Variants in TMEM248 observed in about 807,000 individuals in gnomAD.
The protein encoded by TMEM248 is transmembrane protein 248.
In TMEM248, 9 loss-of-function variants were observed where a neutral mutation model predicts 30.3. The ratio of observed to expected loss-of-function variants is 0.30; its 90% CI spans 0.18 to 0.52. The LOEUF is 0.52. TMEM248 is among the 20% of genes least tolerant of loss of function. TMEM248 has a pLI of 0.97. For synonymous variants in TMEM248, 184 were observed against 154.4 expected (o/e 1.19, Z -1.42); for missense variants, 338 against 403.3 (o/e 0.84, Z 1.39).
chr7:66,925,602 A>G (rs1329185958), intron 1 of TMEM248, among the ~76,000 whole-genome samples: 1 of 152,110 alleles, frequency 6.6e-6, no homozygotes, highest in Non-Finnish European at 1.5e-5. Context: ...CAGTGAACAG[A>G]CATCTCTTTG....
intron 1 of TMEM248, among the ~76,000 whole-genome samples, chr7:66,941,328 CCAAGACTACACCATTG>C (rs1791944491): frequency 6.7e-6 from 1 of 150,024 alleles, no homozygotes; most frequent in Non-Finnish European, 1.5e-5. Context: ...TTGCAGTGAG[CCAAGACTACACCATTG>C]CTCCAGCCTG....
intron 3 of TMEM248, 103 bp from the exon 4 acceptor site, chr7:66,948,441 T>C: frequency 7.2e-7 from 1 of 1,388,532 alleles, no homozygotes; most frequent in Non-Finnish European, 9.8e-7. Flanking sequence ...CCTGGGCTGA[T>C]AGATGATTCC....
chr7:66,922,190 A>T (rs1433987914), intron 1 of TMEM248: 1 of 152,180 alleles, frequency 6.6e-6, no homozygotes, highest in Non-Finnish European at 1.5e-5. Flanking sequence ...GCTTCTCTGA[A>T]GCCTGCTTTG....
intron 5 of TMEM248, 41 bp from the exon 6 acceptor site, chr7:66,953,185 C>T (rs989182374): frequency 1.4e-5 from 23 of 1,606,294 alleles, no homozygotes; most frequent in Non-Finnish European, 1.9e-5. Flanking sequence ...TTCAGTCACT[C>T]AGAGCAGATG....
At chr7:66,942,715 C>T (rs928358926) in intron 2 of TMEM248, among the ~76,000 whole-genome samples, 9 of 152,062 alleles carry the variant, frequency 5.9e-5, no homozygotes, top group African/African-American at 9.7e-5. Flanking sequence ...AGGCTGGTCT[C>T]GAACTCCTGA....
chr7:66,931,362 A>G (rs1159989973), intron 1 of TMEM248, among the ~76,000 whole-genome samples: 2 of 151,774 alleles, frequency 1.3e-5, no homozygotes, highest in African/African-American at 4.8e-5. Context: ...TAAAACTTGG[A>G]CAAGTAGCCA....
intron 5 of TMEM248, 93 bp from the exon 6 acceptor site, chr7:66,953,133 G>A (rs1407161147): frequency 7.1e-7 from 1 of 1,413,370 alleles, no homozygotes; most frequent in Non-Finnish European, 9.6e-7. Flanking sequence ...GGCAAGTCTG[G>A]AGGCTGTCAA....
intron 1 of TMEM248, among the ~76,000 whole-genome samples, chr7:66,929,930 C>T (rs1033848939): frequency 4.6e-5 from 7 of 152,072 alleles, no homozygotes; most frequent in Non-Finnish European, 1.0e-4. Flanking sequence ...GAGGCTGACG[C>T]GGGAGGATCG....
rs74553002 is a variant in TMEM248 at position 66,943,202 on chromosome 7, C to G, written c.159+1178C>G. On this transcript the variant is annotated intron_variant, in intron 2 of 6. Coordinates refer to ENST00000341567, the MANE Select transcript of TMEM248 (RefSeq NM_017994.5). ...TTGTGAAAACAGGCTGCCCCCACAT[C>G]AGGGCTGAAAATGAATATTCTACTC... is the stretch of plus-strand genomic sequence containing the variant. Among the ~76,000 whole-genome samples the G allele has an allele frequency of 2.4e-4, 36 of 152,294 alleles. 1 individual carries two copies. The East Asian group carries it at 6.9e-3, about 29-fold the overall frequency.
chr7:66,933,431 T>C (rs1460386285), intron 1 of TMEM248, among the ~76,000 whole-genome samples: 1 of 152,216 alleles, frequency 6.6e-6, no homozygotes, highest in African/African-American at 2.4e-5. Context: ...TTTTTAACAA[T>C]TGCAAACACT....
intron 4 of TMEM248, among the ~76,000 whole-genome samples, chr7:66,950,322 G>A (rs987479225): frequency 2.0e-5 from 3 of 152,170 alleles, no homozygotes; most frequent in South Asian, 2.1e-4. Flanking sequence ...CCCAGTGGGA[G>A]GTAATTGAAT....
intron 1 of TMEM248, among the ~76,000 whole-genome samples, chr7:66,936,027 T>C (rs1791794476): frequency 6.6e-6 from 1 of 152,244 alleles, no homozygotes; most frequent in African/African-American, 2.4e-5. Context: ...ATTTATTTTA[T>C]TCCTTTCCAG....
chr7:66,941,760 A>G (rs1791965162), intron 1 of TMEM248, 88 bp from the exon 2 acceptor site: 1 of 1,178,520 alleles, frequency 8.5e-7, no homozygotes, highest in Non-Finnish European at 1.2e-6. Context: ...CACCCAGCTC[A>G]CCCCCCAACA....
At chr7:66,942,891 G>A (rs1338921393) in intron 2 of TMEM248, among the ~76,000 whole-genome samples, 1 of 150,738 alleles carries the variant, frequency 6.6e-6, no homozygotes. Context: ...GGTGGGAGTG[G>A]GGCTGGGAGT....
At chr7:66,928,368 GTCTTA>G (rs1791577552) in intron 1 of TMEM248, among the ~76,000 whole-genome samples, 1 of 151,358 alleles carries the variant, frequency 6.6e-6, no homozygotes, top group South Asian at 2.1e-4. Flanking sequence ...ACTTGAAACT[GTCTTA>G]TCAACCTTGG....
intron 4 of TMEM248, among the ~76,000 whole-genome samples, chr7:66,949,456 A>G (rs1454724699): frequency 6.6e-6 from 1 of 152,152 alleles, no homozygotes; most frequent in Admixed American, 6.6e-5. Context: ...CAACAGCAAG[A>G]CTCTGTCTCA....
chr7:66,927,899 G>A (rs762701636), intron 1 of TMEM248, among the ~76,000 whole-genome samples: 1 of 152,144 alleles, frequency 6.6e-6, no homozygotes, highest in African/African-American at 2.4e-5. Flanking sequence ...TGAGTGCTGA[G>A]ATGGGAGGAA....
intron 2 of TMEM248, among the ~76,000 whole-genome samples, chr7:66,943,448 C>T (rs1472649650): frequency 2.6e-5 from 4 of 152,266 alleles, no homozygotes; most frequent in Admixed American, 2.0e-4. Flanking sequence ...TGATTAGTTT[C>T]GTGATTTTTG....
At chr7:66,951,163 T>TGTGC in intron 5 of TMEM248, 28 bp downstream of exon 5, 1 of 1,543,760 alleles carries the variant, frequency 6.5e-7, no homozygotes, top group South Asian at 1.3e-5. Context: ...TGTGTGTGTG[T>TGTGC]GTGCGTGCAT....
Sources: gnomAD v4.1 joint callset for allele counts (sites outside exome capture counted in the v4.1 genomes callset) on GRCh38, gnomAD v4.1.1 for gene constraint, MANE v1.5 for transcripts, NCBI Gene and HGNC (gene_info 2026-07-23, HGNC 2026-07-21) for gene names.